The following SKAP2 variants were observed in gnomAD, a reference collection of about 807,000 sequenced individuals.
SKAP2 encodes the protein src kinase associated phosphoprotein 2, also known as src kinase-associated phosphoprotein 2.
A neutral mutation model predicts 54.9 loss-of-function variants in SKAP2; 28 were observed. That is an observed-to-expected ratio of 0.51 (90% CI 0.38 to 0.70). The LOEUF is 0.70. Among genes scored for constraint, SKAP2 ranks in the 30% least tolerant of loss-of-function variants. The pLI is 0.00. For synonymous variants in SKAP2, 137 were observed against 134.3 expected (o/e 1.02, Z -0.14); for missense variants, 356 against 424.1 (o/e 0.84, Z 1.41).
At chr7:26,757,121 T>G (rs1355555199) in intron 4 of SKAP2, among the ~76,000 whole-genome samples, 1 of 152,202 alleles carries the variant, frequency 6.6e-6, no homozygotes, top group Admixed American at 6.5e-5. Context: ...ATTCTGTAGG[T>G]TGCCTGTTCA....
At chr7:26,733,343 T>C (rs1433702929) in intron 6 of SKAP2, among the ~76,000 whole-genome samples, 1 of 151,892 alleles carries the variant, frequency 6.6e-6, no homozygotes, top group Admixed American at 6.6e-5. Flanking sequence ...ATTTAATATA[T>C]ATCATCTTGA....
intron 4 of SKAP2, among the ~76,000 whole-genome samples, chr7:26,833,913 T>C (rs1359971334): frequency 6.6e-6 from 1 of 152,132 alleles, no homozygotes; most frequent in Non-Finnish European, 1.5e-5. Context: ...CAGCACCACA[T>C]TGCACTTATT....
At chr7:26,746,333 T>C (rs1782559883) in intron 4 of SKAP2, among the ~76,000 whole-genome samples, 1 of 152,228 alleles carries the variant, frequency 6.6e-6, no homozygotes, top group Non-Finnish European at 1.5e-5. Context: ...AGAAATTATG[T>C]AATAGATACA....
At chr7:26,700,861 A>C (rs1183341141) in intron 9 of SKAP2, among the ~76,000 whole-genome samples, 1 of 152,220 alleles carries the variant, frequency 6.6e-6, no homozygotes, top group Non-Finnish European at 1.5e-5. Context: ...GTTTCCCTCA[A>C]AATGAGTGAC....
intron 9 of SKAP2, among the ~76,000 whole-genome samples, chr7:26,700,461 A>T (rs1247491927): frequency 1.3e-5 from 2 of 152,202 alleles, no homozygotes; most frequent in Non-Finnish European, 2.9e-5. Flanking sequence ...GAACCAACAC[A>T]GCCATCCCCA....
chr7:26,774,499 TTG>T (rs10551497), intron 4 of SKAP2, among the ~76,000 whole-genome samples: 63,608 of 149,028 alleles, frequency 0.43, 13,917 homozygotes, highest in Middle Eastern at 0.47. Context: ...CAAGATCAAG[TTG>T]TGTGTGTGTG....
At chr7:26,745,711 C>T (rs1324941071) in intron 4 of SKAP2, among the ~76,000 whole-genome samples, 2 of 152,112 alleles carry the variant, frequency 1.3e-5, no homozygotes, top group East Asian at 1.9e-4. Flanking sequence ...GGCAAGGTTT[C>T]GCCATGTTGC....
chr7:26,780,787 A>G (rs946199800), intron 4 of SKAP2, among the ~76,000 whole-genome samples: 1 of 152,062 alleles, frequency 6.6e-6, no homozygotes, highest in African/African-American at 2.4e-5. Flanking sequence ...TTAGATGTTC[A>G]AAAAGCAAAA....
intron 9 of SKAP2, among the ~76,000 whole-genome samples, chr7:26,712,023 G>GAAC (rs1787319938): frequency 6.6e-6 from 1 of 152,172 alleles, no homozygotes; most frequent in African/African-American, 2.4e-5. Flanking sequence ...TGATGGGTTT[G>GAAC]AGGGTTCTTT....
At chr7:26,670,266 G>T in intron 11 of SKAP2, 74 bp from the exon 12 acceptor site, 1 of 724,188 alleles carries the variant, frequency 1.4e-6, no homozygotes, top group Non-Finnish European at 2.5e-6. Context: ...CAACTTCTTA[G>T]AAATGTTATT....
chr7:26,768,854 G>A (rs925907674), intron 4 of SKAP2, among the ~76,000 whole-genome samples: 5 of 152,136 alleles, frequency 3.3e-5, no homozygotes, highest in African/African-American at 1.2e-4. Context: ...TCCCTTTGTG[G>A]GTAACCCAAC....
chr7:26,765,833 T>C (rs1337375963), intron 4 of SKAP2, among the ~76,000 whole-genome samples: 2 of 152,226 alleles, frequency 1.3e-5, no homozygotes, highest in Non-Finnish European at 2.9e-5. Flanking sequence ...TCCATATATC[T>C]GTTTTGGTAC....
chr7:26,744,739 TAC>T (rs35916384), intron 4 of SKAP2, among the ~76,000 whole-genome samples: 7,504 of 150,394 alleles, frequency 0.05, 635 homozygotes, highest in African/African-American at 0.17. Context: ...ATGTTACACA[TAC>T]ACACACACAC....
intron 4 of SKAP2, among the ~76,000 whole-genome samples, chr7:26,764,642 T>C (rs1318312600): frequency 6.6e-6 from 1 of 152,160 alleles, no homozygotes; most frequent in Non-Finnish European, 1.5e-5. Flanking sequence ...ATGTACAGAA[T>C]GTGCAGGTTT....
intron 9 of SKAP2, among the ~76,000 whole-genome samples, chr7:26,693,120 T>C (rs1584334519): frequency 6.6e-6 from 1 of 152,014 alleles, no homozygotes; most frequent in Admixed American, 6.5e-5. Flanking sequence ...TCACCTGAGA[T>C]CAGGAGTTCG....
At position 26,778,425 on chromosome 7, in the gene SKAP2, G is replaced by A. The variant is rs145981653; in HGVS notation, c.308-38461C>T. ...CCTTCTAGTTCCATACTATGATTCCGCTAACAATCAGTGCTGCACACATTC... is the reference window on the plus strand; with the variant it reads ...CCTTCTAGTTCCATACTATGATTCCACTAACAATCAGTGCTGCACACATTC... On this transcript the variant is annotated intron_variant, in intron 4 of 12. Transcript: ENST00000345317. 1.1e-3 allele frequency among the ~76,000 whole-genome samples: 162 copies of A among 152,092 alleles called. 1 individual carries two copies. The highest frequency in any genetic ancestry group is 3.4e-3 in the Middle Eastern group (1 of 294).
intron 4 of SKAP2, among the ~76,000 whole-genome samples, chr7:26,810,615 T>C (rs886537430): frequency 3.3e-5 from 5 of 152,210 alleles, no homozygotes; most frequent in Non-Finnish European, 5.9e-5. Flanking sequence ...TAACTTGATT[T>C]AGCCATTCTA....
At chr7:26,714,321 T>C (rs561977114) in intron 9 of SKAP2, among the ~76,000 whole-genome samples, 1 of 152,314 alleles carries the variant, frequency 6.6e-6, no homozygotes, top group East Asian at 1.9e-4. Flanking sequence ...CTGCCCCATC[T>C]TAACTTCTTT....
At chr7:26,696,930 AT>A (rs1449279715) in intron 9 of SKAP2, among the ~76,000 whole-genome samples, 1 of 152,194 alleles carries the variant, frequency 6.6e-6, no homozygotes, top group Non-Finnish European at 1.5e-5. Context: ...AAACAAAAAA[AT>A]ACCCATACAC....
Sources: gnomAD v4.1 joint callset for allele counts (sites outside exome capture counted in the v4.1 genomes callset) on GRCh38, gnomAD v4.1.1 for gene constraint, MANE v1.5 for transcripts, NCBI Gene and HGNC (gene_info 2026-07-23, HGNC 2026-07-21) for gene names.